Variants in ZCWPW2 observed in about 807,000 individuals in gnomAD.
The protein encoded by ZCWPW2 is zinc finger CW-type PWWP domain protein 2.
Under a neutral mutation model 46.6 loss-of-function variants are expected in ZCWPW2, and 45 were observed. The observed-to-expected ratio is 0.96, with a 90% CI of 0.76 to 1.24. The LOEUF (loss-of-function observed/expected upper bound fraction) is 1.24, where lower values mean the gene tolerates loss of function less well. ZCWPW2 is among the 50% of genes most tolerant of loss of function. ZCWPW2 has a pLI of 0.00. For synonymous variants in ZCWPW2, 152 were observed against 137.1 expected, an observed-to-expected ratio of 1.11 and a Z score of -0.76; for missense variants, 429 against 403.9, an observed-to-expected ratio of 1.06 and a Z score of -0.53.
intron 1 of ZCWPW2, among the ~76,000 whole-genome samples, chr3:28,352,126 G>GCACA (rs111383620): frequency 0.13 from 16,322 of 129,258 alleles, 1,088 homozygotes; most frequent in South Asian, 0.18. Flanking sequence ...TCAGATGTAT[G>GCACA]CACACACACA....
intron 2 of ZCWPW2, among the ~76,000 whole-genome samples, chr3:28,401,552 C>A (rs1695937051): frequency 6.6e-6 from 1 of 152,112 alleles, no homozygotes; most frequent in Non-Finnish European, 1.5e-5. Context: ...AACAAAGAAA[C>A]AATGGTTTTA....
chr3:28,426,700 T>A (rs933200660), intron 3 of ZCWPW2, among the ~76,000 whole-genome samples: 22 of 152,186 alleles, frequency 1.4e-4, no homozygotes, highest in African/African-American at 5.1e-4. Context: ...TGCAATTAGG[T>A]ACAGTCCAGA....
At chr3:28,383,979 A>G (rs1428262950) in intron 1 of ZCWPW2, among the ~76,000 whole-genome samples, 2 of 152,204 alleles carry the variant, frequency 1.3e-5, no homozygotes, top group Non-Finnish European at 2.9e-5. Flanking sequence ...GAAAAAATCA[A>G]TATGCTCCAT....
intron 1 of ZCWPW2, among the ~76,000 whole-genome samples, chr3:28,370,771 T>C (rs1048014807): frequency 3.2e-4 from 48 of 152,318 alleles, no homozygotes; most frequent in African/African-American, 1.1e-3. Context: ...TTGCTCTTGT[T>C]GCCCAGGCTG....
Position 28,515,592 on chromosome 3 carries a change from C to T in ZCWPW2, c.755C>T (p.Ser252Phe). 6.2e-7 allele frequency: 1 copy of T among 1,606,438 alleles called. No individual in the cohort carries two copies. The highest frequency in any genetic ancestry group is 8.5e-7 in the Non-Finnish European group (1 of 1,179,122). ...ILKCSFENVYSDDALSKENRV... is the reference protein window; with the variant it reads ...ILKCSFENVYFDDALSKENRV... ...AAATGCTCTTTTGAAAATGTTTATT[C>T]TGATGATGCCTTATCAAAGGAGAAC... is the stretch of plus-strand genomic sequence containing the variant. The change falls in exon 8 of 10, where the codon TCT becomes TTT. Residue 252 changes from serine to phenylalanine, a missense_variant. Coordinates refer to ENST00000383768, the MANE Select transcript of ZCWPW2 (RefSeq NM_001040432.4).
intron 2 of ZCWPW2, among the ~76,000 whole-genome samples, chr3:28,391,353 CCACACACACA>C (rs111706300): frequency 6.7e-6 from 1 of 148,650 alleles, no homozygotes; most frequent in African/African-American, 2.5e-5. Flanking sequence ...CCTCTCCCTG[CCACACACACA>C]CACACACACA....
chr3:28,406,018 T>C (rs1308701492), intron 2 of ZCWPW2, among the ~76,000 whole-genome samples: 1 of 152,252 alleles, frequency 6.6e-6, no homozygotes, highest in Non-Finnish European at 1.5e-5. Context: ...ATTGTGTTCA[T>C]GTTCTAGTGT....
intron 1 of ZCWPW2, among the ~76,000 whole-genome samples, chr3:28,355,141 C>T (rs898705217): frequency 6.6e-6 from 1 of 152,196 alleles, no homozygotes; most frequent in Non-Finnish European, 1.5e-5. Flanking sequence ...AGCTGATAGG[C>T]AACTTCAGCA....
intron 4 of ZCWPW2, among the ~76,000 whole-genome samples, chr3:28,441,793 T>C (rs571577975): frequency 2.7e-4 from 41 of 152,280 alleles, no homozygotes; most frequent in African/African-American, 9.9e-4. Context: ...CAGTTCATGA[T>C]AGGCAGTTTA....
intron 4 of ZCWPW2, among the ~76,000 whole-genome samples, chr3:28,449,621 A>G (rs1446191558): frequency 6.6e-6 from 1 of 152,194 alleles, no homozygotes; most frequent in Admixed American, 6.5e-5. Flanking sequence ...GCACAACATT[A>G]TAAATGTATT....
chr3:28,405,148 G>A (rs982472408), intron 2 of ZCWPW2, among the ~76,000 whole-genome samples: 2 of 152,088 alleles, frequency 1.3e-5, no homozygotes, highest in African/African-American at 2.4e-5. Context: ...TCATATAAAC[G>A]TACTTTTCCT....
intron 1 of ZCWPW2, among the ~76,000 whole-genome samples, chr3:28,379,320 T>G (rs556411540): frequency 6.6e-6 from 1 of 152,274 alleles, no homozygotes; most frequent in South Asian, 2.1e-4. Context: ...ATGAAAAAGA[T>G]TTAGAATAAT....
intron 1 of ZCWPW2, 110 bp downstream of exon 1, chr3:28,349,313 T>C (rs1342580972): frequency 3.4e-6 from 2 of 596,770 alleles, no homozygotes; most frequent in Non-Finnish European, 4.2e-6. Flanking sequence ...CCGGGCCGTG[T>C]GGTGCGTGCT....
chr3:28,446,557 C>G (rs1697998355), intron 4 of ZCWPW2, among the ~76,000 whole-genome samples: 1 of 151,584 alleles, frequency 6.6e-6, no homozygotes, highest in South Asian at 2.1e-4. Flanking sequence ...CCTACAAACA[C>G]TTATTAAAAA....
At chr3:28,469,768 A>G (rs894861867) in intron 4 of ZCWPW2, among the ~76,000 whole-genome samples, 2 of 152,032 alleles carry the variant, frequency 1.3e-5, no homozygotes, top group Admixed American at 1.3e-4. Context: ...TGGAGCACCC[A>G]GATATATAAA....
At chr3:28,370,725 GGTTTTT>G (rs1225385954) in intron 1 of ZCWPW2, among the ~76,000 whole-genome samples, 9 of 152,008 alleles carry the variant, frequency 5.9e-5, no homozygotes, top group African/African-American at 1.7e-4. Context: ...TTTTCATAAA[GGTTTTT>G]GTTTTTGTTT....
intron 6 of ZCWPW2, among the ~76,000 whole-genome samples, chr3:28,496,821 G>A (rs1165610727): frequency 4.0e-5 from 6 of 151,548 alleles, no homozygotes; most frequent in East Asian, 3.9e-4. Context: ...TATTCAATAC[G>A]ATCTCTGGTT....
At chr3:28,382,154 C>G (rs1695128179) in intron 1 of ZCWPW2, among the ~76,000 whole-genome samples, 1 of 130,354 alleles carries the variant, frequency 7.7e-6, no homozygotes, top group Non-Finnish European at 1.6e-5. Flanking sequence ...AAGAGTCAAA[C>G]TGCATCTCAA....
chr3:28,435,214 A>G lies in ZCWPW2; in HGVS notation c.437A>G (p.His146Arg), dbSNP rs373066356. ...EYHIEFLGDPHSRSWIKATFV... is the reference protein window; with the variant it reads ...EYHIEFLGDPRSRSWIKATFV... ...CACATAGAATTCCTGGGCGATCCCC[A>G]TTCAAGATCATGGATAAAGGCAACA... The change falls in exon 4 of 10, where the codon CAT (histidine) becomes CGT (arginine). Residue 146 changes from histidine to arginine, a missense_variant. His to Arg is a conservative substitution (Grantham distance 29, BLOSUM62 0). Transcript: ENST00000383768. 4.3e-6 allele frequency: 7 copies of G among 1,613,348 alleles called. No individual in the cohort carries two copies. The African/African-American group carries it at 9.3e-5, about 22-fold the overall frequency.
Sources: allele counts gnomAD v4.1 joint callset (sites outside exome capture counted in the v4.1 genomes callset), GRCh38; gene constraint gnomAD v4.1.1; transcripts MANE v1.5; gene names NCBI Gene and HGNC (gene_info 2026-07-23, HGNC 2026-07-21).